The following RANBP2 variants were observed in gnomAD, a reference collection of about 807,000 sequenced individuals.
RANBP2 encodes RAN binding protein 2.
Under a neutral mutation model 303.6 loss-of-function variants are expected in RANBP2, and 57 were observed. The observed-to-expected ratio is 0.19, with a 90% CI of 0.15 to 0.23. The LOEUF is 0.23. RANBP2 is among the 10% of genes least tolerant of loss of function. The pLI, the probability that RANBP2 is intolerant of heterozygous loss-of-function variation, is 1.00. For synonymous variants in RANBP2, 1,167 were observed against 1,301.5 expected (o/e 0.90, Z 2.23); for missense variants, 3,138 against 3,780.8 (o/e 0.83, Z 4.46).
At chr2:109,107,473 G>T in the RANBP2 span, among the ~76,000 whole-genome samples, 1 of 152,100 alleles carries the variant, frequency 6.6e-6, no homozygotes, top group Admixed American at 6.5e-5. Context: ...TGTTGCTTCC[G>T]GCATCTCTGG....
the RANBP2 span, among the ~76,000 whole-genome samples, chr2:108,902,067 A>G: frequency 6.6e-6 from 1 of 152,186 alleles, no homozygotes; most frequent in African/African-American, 2.4e-5. Flanking sequence ...GTGAAACCCC[A>G]TATCTACTAA....
downstream of RANBP2, chr2:108,786,628 G>C: frequency 1.6e-6 from 1 of 620,376 alleles, no homozygotes; most frequent in Non-Finnish European, 2.9e-6. Flanking sequence ...GGTGTGTAGT[G>C]CTAGCACGAG....
the RANBP2 span, among the ~76,000 whole-genome samples, chr2:108,879,064 G>T: frequency 1.6e-3 from 250 of 152,276 alleles, 1 homozygote; most frequent in African/African-American, 5.5e-3. Context: ...TGAATGAAAT[G>T]GACTGTTCTC....
the RANBP2 span, among the ~76,000 whole-genome samples, chr2:109,107,105 T>G: frequency 1.3e-5 from 2 of 151,578 alleles, no homozygotes; most frequent in African/African-American, 2.4e-5. Context: ...GCCCGGCTAG[T>G]TTTTGTATTT....
At chr2:108,990,093 T>C in the RANBP2 span, among the ~76,000 whole-genome samples, 1 of 148,886 alleles carries the variant, frequency 6.7e-6, no homozygotes, top group Non-Finnish European at 1.5e-5. Flanking sequence ...GTCAGGAGTT[T>C]GGGATCAGCC....
the RANBP2 span, among the ~76,000 whole-genome samples, chr2:109,576,412 T>C: frequency 2.0e-5 from 3 of 151,660 alleles, no homozygotes; most frequent in East Asian, 3.9e-4. Flanking sequence ...AAAAATGATA[T>C]TTTTTTTAAT....
chr2:109,345,370 G>C, the RANBP2 span, among the ~76,000 whole-genome samples: 1 of 152,172 alleles, frequency 6.6e-6, no homozygotes, highest in Admixed American at 6.5e-5. Flanking sequence ...CGAGCCGGCC[G>C]CAGAAGGGAG....
intron 18 of RANBP2, 60 bp from the exon 19 acceptor site, chr2:108,762,041 A>G: frequency 6.3e-7 from 1 of 1,588,136 alleles, no homozygotes; most frequent in Non-Finnish European, 8.5e-7. Context: ...TTGCCTAGAT[A>G]GTCTTAACTG....
At chr2:109,654,906 CTTTTT>C in the RANBP2 span, among the ~76,000 whole-genome samples, 1 of 142,358 alleles carries the variant, frequency 7.0e-6, no homozygotes, top group Non-Finnish European at 1.5e-5. Flanking sequence ...CTTTTCTTTT[CTTTTT>C]TTTTTTTTTG....
chr2:109,205,098 T>G, the RANBP2 span, among the ~76,000 whole-genome samples: 1 of 152,142 alleles, frequency 6.6e-6, no homozygotes, highest in South Asian at 2.1e-4. Flanking sequence ...TCTCAGCTAC[T>G]TGGGAGGCCG....
the RANBP2 span, among the ~76,000 whole-genome samples, chr2:109,435,063 G>A: frequency 3.2e-3 from 486 of 152,252 alleles, 4 homozygotes; most frequent in African/African-American, 0.011. Context: ...TCCAAAGAAT[G>A]GCAGAGCCAG....
the RANBP2 span, among the ~76,000 whole-genome samples, chr2:109,404,796 C>T: frequency 6.6e-6 from 1 of 152,164 alleles, no homozygotes; most frequent in Non-Finnish European, 1.5e-5. Context: ...ACCACCCCTG[C>T]TGCTGAAGCT....
At chr2:109,326,452 G>C in the RANBP2 span, among the ~76,000 whole-genome samples, 1 of 152,140 alleles carries the variant, frequency 6.6e-6, no homozygotes, top group African/African-American at 2.4e-5. Flanking sequence ...GCAGCACTTT[G>C]CACTCCTACC....
At chr2:109,398,483 A>G in the RANBP2 span, 4 of 980,710 alleles carry the variant, frequency 4.1e-6, no homozygotes, top group South Asian at 6.6e-5. Flanking sequence ...ACGGATTTGA[A>G]TGCATTGCCA....
the RANBP2 span, among the ~76,000 whole-genome samples, chr2:109,009,341 A>AAT: frequency 3.3e-5 from 5 of 150,934 alleles, no homozygotes; most frequent in East Asian, 1.9e-4. Flanking sequence ...CTGTCTCAAA[A>AAT]ATATATATAT....
At chr2:109,015,490 G>A in the RANBP2 span, among the ~76,000 whole-genome samples, 1 of 152,178 alleles carries the variant, frequency 6.6e-6, no homozygotes, top group Admixed American at 6.5e-5. Flanking sequence ...GGGCACAGTG[G>A]CTCATGCCTG....
the RANBP2 span, among the ~76,000 whole-genome samples, chr2:109,494,920 G>A: frequency 2.0e-5 from 3 of 152,128 alleles, no homozygotes; most frequent in African/African-American, 7.2e-5. Context: ...TGCAGAGGGA[G>A]CTCCTCTGAG....
chr2:108,923,551 CA>C, the RANBP2 span: 1 of 1,135,864 alleles, frequency 8.8e-7, no homozygotes, highest in Non-Finnish European at 1.3e-6. Context: ...TGCAGGCCCA[CA>C]ATCAAGTCGG....
chr2:109,598,639 T>C, the RANBP2 span, among the ~76,000 whole-genome samples: 1 of 151,550 alleles, frequency 6.6e-6, no homozygotes, highest in African/African-American at 2.4e-5. Flanking sequence ...GGTCAGGAGG[T>C]CAACACCAGC....
Sources: allele counts gnomAD v4.1 joint callset (sites outside exome capture counted in the v4.1 genomes callset), GRCh38; gene constraint gnomAD v4.1.1; transcripts MANE v1.5; gene names NCBI Gene and HGNC (gene_info 2026-07-23, HGNC 2026-07-21).